Variants in MSRA observed in about 807,000 individuals in gnomAD.
The protein encoded by MSRA is methionine sulfoxide reductase A, also known as mitochondrial peptide methionine sulfoxide reductase.
In MSRA, 54 loss-of-function variants were observed where a neutral mutation model predicts 31.3. That is an observed-to-expected ratio of 1.73 (90% CI 1.39 to 2.17). The LOEUF is 2.17. Ranked by LOEUF, MSRA falls within the 30% of genes most tolerant of loss-of-function variation. MSRA has a pLI of 0.00. For synonymous variants in MSRA, 169 were observed against 116.5 expected (o/e 1.45, Z -2.90); for missense variants, 507 against 300.9 (o/e 1.69, Z -5.07).
At chr8:10,274,677 C>T (rs1473813924) in intron 3 of MSRA, among the ~76,000 whole-genome samples, 1 of 152,100 alleles carries the variant, frequency 6.6e-6, no homozygotes. Context: ...ATCTCTCTAC[C>T]CATCCATCCA....
chr8:10,256,925 C>T (rs1488163766), intron 3 of MSRA, among the ~76,000 whole-genome samples: 3 of 152,190 alleles, frequency 2.0e-5, no homozygotes, highest in Non-Finnish European at 4.4e-5. Context: ...AGAAGAAACT[C>T]TCAGAGGTCT....
At chr8:10,204,136 C>G (rs1808739180) in intron 1 of MSRA, among the ~76,000 whole-genome samples, 1 of 151,568 alleles carries the variant, frequency 6.6e-6, no homozygotes, top group Admixed American at 6.6e-5. Flanking sequence ...TATAATTGTA[C>G]AATGTGCTTG....
chr8:10,251,810 T>C (rs769851594), intron 3 of MSRA, among the ~76,000 whole-genome samples: 2 of 150,888 alleles, frequency 1.3e-5, no homozygotes, highest in African/African-American at 2.4e-5. Context: ...TCACCAGAAA[T>C]AGCAAGCTTG....
At chr8:10,299,596 C>A (rs1358746386) in intron 3 of MSRA, among the ~76,000 whole-genome samples, 5 of 152,010 alleles carry the variant, frequency 3.3e-5, no homozygotes, top group African/African-American at 1.2e-4. Context: ...TATAAAAGGA[C>A]ATGCCAATTA....
intron 1 of MSRA, among the ~76,000 whole-genome samples, chr8:10,146,405 C>A (rs868356802): frequency 1.3e-5 from 2 of 152,134 alleles, no homozygotes; most frequent in African/African-American, 4.8e-5. Context: ...TCTCGTCTGG[C>A]CAGAGGTTCT....
intron 3 of MSRA, among the ~76,000 whole-genome samples, chr8:10,273,620 A>G (rs776660149): frequency 7.9e-5 from 12 of 152,034 alleles, no homozygotes; most frequent in Non-Finnish European, 1.6e-4. Flanking sequence ...TTCTTATGCA[A>G]CCTCCCACCA....
At chr8:10,154,772 T>C (rs1384859730) in intron 1 of MSRA, among the ~76,000 whole-genome samples, 1 of 152,142 alleles carries the variant, frequency 6.6e-6, no homozygotes, top group Non-Finnish European at 1.5e-5. Flanking sequence ...ATAAAATATA[T>C]CAATTGTATG....
chr8:10,335,294 C>A (rs868418461), intron 5 of MSRA, among the ~76,000 whole-genome samples: 1 of 104,588 alleles, frequency 9.6e-6, no homozygotes, highest in Non-Finnish European at 1.7e-5. Context: ...AATTTGAAAT[C>A]CGGCCCTGTG....
chr8:10,267,575 T>A (rs191812116), intron 3 of MSRA, among the ~76,000 whole-genome samples: 1 of 152,200 alleles, frequency 6.6e-6, no homozygotes, highest in Non-Finnish European at 1.5e-5. Context: ...TTACTATGGG[T>A]CCTAGTATTT....
chr8:10,271,164 T>C (rs931007050), intron 3 of MSRA, among the ~76,000 whole-genome samples: 7 of 151,924 alleles, frequency 4.6e-5, no homozygotes, highest in Admixed American at 1.3e-4. Flanking sequence ...TTTTTAAAAG[T>C]GGGCAAAACA....
chr8:10,313,087 G>T (rs964494996), intron 4 of MSRA, among the ~76,000 whole-genome samples: 2 of 152,130 alleles, frequency 1.3e-5, no homozygotes, highest in African/African-American at 2.4e-5. Context: ...TCCCCAGCCG[G>T]ACACCATTCC....
chr8:10,379,527 G>T (rs1331087877), intron 5 of MSRA, among the ~76,000 whole-genome samples: 1 of 152,122 alleles, frequency 6.6e-6, no homozygotes, highest in East Asian at 1.9e-4. Context: ...GAGCATCCTG[G>T]TCTCCCAGCA....
intron 3 of MSRA, among the ~76,000 whole-genome samples, chr8:10,259,688 A>G (rs145143682): frequency 1.7e-3 from 261 of 152,250 alleles, no homozygotes; most frequent in African/African-American, 6.0e-3. Flanking sequence ...TGGGAAACCC[A>G]GGACTAGGGT....
chr8:10,089,799 T>C (rs1316023774), intron 1 of MSRA, among the ~76,000 whole-genome samples: 1 of 152,188 alleles, frequency 6.6e-6, no homozygotes, highest in African/African-American at 2.4e-5. Context: ...GCGTCCTGGC[T>C]TTATAACAAC....
At chr8:10,140,775 C>T (rs969211701) in intron 1 of MSRA, among the ~76,000 whole-genome samples, 5 of 151,904 alleles carry the variant, frequency 3.3e-5, no homozygotes, top group Admixed American at 3.3e-4. Context: ...TTCTACTTTG[C>T]TTTAAAAAAA....
At position 10,319,928 on chromosome 8, in the gene MSRA, T is replaced by C. The variant is rs1400945489; in HGVS notation, c.482T>C (p.Ile161Thr). ...NDHGTQYRSAIYPTSAKQMEA... is the reference protein window; with the variant it reads ...NDHGTQYRSATYPTSAKQMEA... ...CATGGCACTCAGTACCGCTCGGCCATCTACCCGACCTCTGCCAAGCAAATG... is the reference window on the plus strand; with the variant it reads ...CATGGCACTCAGTACCGCTCGGCCACCTACCCGACCTCTGCCAAGCAAATG... The change falls in exon 5 of 6, where the codon ATC becomes ACC. Residue 161 changes from isoleucine (I) to threonine (T), a missense_variant. Ile to Thr is a moderately conservative substitution (Grantham distance 89). Transcript: ENST00000317173. The C allele has an allele frequency of 1.2e-6, 2 of 1,600,398 alleles. No homozygotes were observed. The highest frequency in any genetic ancestry group is 1.7e-6 in the Non-Finnish European group (2 of 1,173,822).
rs563437830 is a variant in MSRA, at chr8:10,367,341, C to T, written c.543+47352C>T. Among the ~76,000 whole-genome samples the T allele has an allele frequency of 4.8e-4, 73 of 152,156 alleles. 1 individual carries two copies. Among genetic ancestry groups the T allele is most frequent in the African/African-American group, 1.6e-3 (67 of 41,498 alleles). Reference sequence around the variant, plus strand: ...TAATTCTTCTGCTTTATTAGTGTTGCGATAATCTCTTACTGTGCCTAATTT... The same window carrying T: ...TAATTCTTCTGCTTTATTAGTGTTGTGATAATCTCTTACTGTGCCTAATTT... On this transcript the variant is annotated intron_variant, in intron 5 of 5. Coordinates refer to ENST00000317173, the MANE Select transcript of MSRA (RefSeq NM_012331.5).
chr8:10,143,118 G>T (rs1310518910), intron 1 of MSRA, among the ~76,000 whole-genome samples: 3 of 152,202 alleles, frequency 2.0e-5, no homozygotes, highest in African/African-American at 7.2e-5. Context: ...CCAAAGAATG[G>T]GATGAAAGGA....
At chr8:10,132,201 G>C (rs1162637973) in intron 1 of MSRA, among the ~76,000 whole-genome samples, 1 of 152,204 alleles carries the variant, frequency 6.6e-6, no homozygotes, top group Non-Finnish European at 1.5e-5. Flanking sequence ...TGGAGATTTT[G>C]CCCGAGGAAG....
Sources: allele counts gnomAD v4.1 joint callset (sites outside exome capture counted in the v4.1 genomes callset), GRCh38; gene constraint gnomAD v4.1.1; transcripts MANE v1.5; gene names NCBI Gene and HGNC (gene_info 2026-07-23, HGNC 2026-07-21).